MAPK8IP3: variants seen among roughly 807,000 people sequenced by gnomAD.
The protein encoded by MAPK8IP3 is C-Jun-amino-terminal kinase-interacting protein 3.
In MAPK8IP3, 49 loss-of-function variants were observed where a neutral mutation model predicts 157.8. The ratio of observed to expected loss-of-function variants is 0.31; its 90% CI spans 0.25 to 0.39. MAPK8IP3 has a LOEUF of 0.39. Ranked by LOEUF, MAPK8IP3 falls within the 10% of genes least tolerant of loss-of-function variation. MAPK8IP3 has a pLI of 1.00. For synonymous variants in MAPK8IP3, 897 were observed against 777.7 expected (o/e 1.15, Z -2.55); for missense variants, 1,478 against 1,889.4 (o/e 0.78, Z 4.04).
At chr16:1,746,946 CG>C in intron 5 of MAPK8IP3, 82 bp from the exon 6 acceptor site, 1 of 1,496,094 alleles carries the variant, frequency 6.7e-7, no homozygotes. Context: ...CATTGGTGCG[CG>C]GGGCCTCAGG....
Position 1,743,687 on chromosome 16 carries a change from C to T in MAPK8IP3, c.747+211C>T, listed in dbSNP as rs1378891477. The T allele has an allele frequency of 2.5e-5, 35 of 1,402,930 alleles. No homozygotes were observed. Among genetic ancestry groups the T allele is most frequent in the African/African-American group, 1.0e-4 (7 of 67,244 alleles). The allele number at this position is 1,402,930 out of a possible 1,614,324, so 86.9% of individuals were successfully genotyped here. A position where few individuals can be genotyped will look rare whatever the true frequency, so the allele number is the denominator to read the frequency against. On this transcript the variant is annotated intron_variant, in intron 5 of 31. Coordinates refer to ENST00000610761, the MANE Select transcript of MAPK8IP3 (RefSeq NM_001318852.2). This position sits in a 1 kb window ranked among gnomAD's most constrained non-coding sequence, Gnocchi z 5.6. ...CCTGTGTGGCTGTGGCTGTTCCACG[C>T]GGCCTCGTGTCGGCACCTGCTAGTC...
chr16:1,755,418 G>C (rs1323671687), intron 8 of MAPK8IP3, among the ~76,000 whole-genome samples: 1 of 152,198 alleles, frequency 6.6e-6, no homozygotes, highest in Non-Finnish European at 1.5e-5. Context: ...AGCTACTTGG[G>C]CGTCTGAAGT....
intron 8 of MAPK8IP3, among the ~76,000 whole-genome samples, chr16:1,757,355 C>T (rs562254008): frequency 1.8e-4 from 27 of 152,306 alleles, no homozygotes; most frequent in African/African-American, 5.8e-4. Flanking sequence ...CCGCCCGCCT[C>T]GGCCTCCTAA....
chr16:1,729,708 C>G, intron 4 of MAPK8IP3, 130 bp downstream of exon 4: 2 of 874,438 alleles, frequency 2.3e-6, no homozygotes, highest in South Asian at 3.2e-5. Flanking sequence ...AGGGAACACT[C>G]TGGAGACCCA....
rs188473180 is a variant in MAPK8IP3 at position 1,715,345 on chromosome 16, C to A, written c.318+8688C>A. The stretch of plus-strand genomic sequence containing the variant: ...CAGCTTTGTAACTCCAGAGCCACCC[C>A]CTGCACGTCCTCTCTCTGCATTTTA... On this transcript the variant is annotated intron_variant, in intron 1 of 31. Coordinates refer to ENST00000610761, the MANE Select transcript of MAPK8IP3 (RefSeq NM_001318852.2). Among the ~76,000 whole-genome samples, 5 of 152,270 alleles carry A rather than the reference C, an allele frequency of 3.3e-5. No individual in the cohort carries two copies. The East Asian group carries it at 9.7e-4, about 29-fold the overall frequency.
At chr16:1,730,521 C>G (rs1261379845) in intron 4 of MAPK8IP3, among the ~76,000 whole-genome samples, 2 of 151,822 alleles carry the variant, frequency 1.3e-5, no homozygotes, top group African/African-American at 4.8e-5. Context: ...GGGCAGATCA[C>G]GAGATCAGGA....
chr16:1,736,506 G>A (rs1290028999), intron 4 of MAPK8IP3, among the ~76,000 whole-genome samples: 1 of 61,772 alleles, frequency 1.6e-5, no homozygotes, highest in African/African-American at 9.3e-5. Context: ...GTGTGAGCGT[G>A]TGACCGTCCG....
intron 3 of MAPK8IP3, 47 bp downstream of exon 3, chr16:1,729,255 C>T (rs2039123052): frequency 2.1e-5 from 33 of 1,586,138 alleles, no homozygotes; most frequent in East Asian, 4.5e-5. Context: ...GAGACAGGGC[C>T]GCGGCCTGAC....
intron 11 of MAPK8IP3, 92 bp downstream of exon 11, chr16:1,760,107 G>A: frequency 2.1e-6 from 3 of 1,401,056 alleles, no homozygotes; most frequent in South Asian, 1.2e-5. Context: ...GCCTTGGGGA[G>A]CACCTGGCTC....
At chr16:1,753,122 G>A (rs946930860) in intron 8 of MAPK8IP3, among the ~76,000 whole-genome samples, 3 of 152,284 alleles carry the variant, frequency 2.0e-5, no homozygotes, top group East Asian at 1.9e-4. Context: ...GGTGGAGAGC[G>A]ACATCCCTCC....
At chr16:1,760,074 G>A (rs933222459) in intron 11 of MAPK8IP3, 59 bp downstream of exon 11, 3 of 1,591,700 alleles carry the variant, frequency 1.9e-6, no homozygotes, top group Non-Finnish European at 2.6e-6. Flanking sequence ...TCAGGGCTGG[G>A]AGAGTGAGCC....
At chr16:1,708,556 G>A (rs545632620) in intron 1 of MAPK8IP3, among the ~76,000 whole-genome samples, 1 of 152,370 alleles carries the variant, frequency 6.6e-6, no homozygotes, top group African/African-American at 2.4e-5. Context: ...GCACAGGATA[G>A]GCGCTGCCCA....
rs377112419 is a variant in MAPK8IP3 at position 1,729,231 on chromosome 16, G to A, written c.510+23G>A. On this transcript the variant is annotated intron_variant, in intron 3 of 31. Transcript: ENST00000610761. ...GAGGTGGGCGCCCAGAGGCAAGCGC[G>A]GAGACGAGGGTTGGAGACAGGGCCG... 14 of 1,613,114 alleles carry A rather than the reference G, an allele frequency of 8.7e-6. No homozygotes were observed. In the African/African-American group the frequency reaches 1.2e-4, roughly 14 times the overall value.
At chr16:1,737,878 C>G (rs1418037867) in intron 4 of MAPK8IP3, among the ~76,000 whole-genome samples, 1 of 68,404 alleles carries the variant, frequency 1.5e-5, no homozygotes, top group Non-Finnish European at 2.7e-5. Context: ...GTGTGACCGT[C>G]CGTGTGAGCA....
chr16:1,719,025 G>A (rs188022565), intron 1 of MAPK8IP3, among the ~76,000 whole-genome samples: 2 of 152,174 alleles, frequency 1.3e-5, no homozygotes, highest in East Asian at 3.9e-4. Context: ...GTGAGCCTTG[G>A]TCATGCTGCT....
At position 1,710,514 on chromosome 16, in the gene MAPK8IP3, C is replaced by A. The variant is rs1043811728; in HGVS notation, c.318+3857C>A. On this transcript the variant is annotated intron_variant, in intron 1 of 31. Coordinates refer to ENST00000610761, the MANE Select transcript of MAPK8IP3 (RefSeq NM_001318852.2). This position sits in a 1 kb window ranked among gnomAD's most constrained non-coding sequence, Gnocchi z 4.1. ...ATAAAAATAAATAAATAAATGTCAT[C>A]CATTTCATAGACTATTTGGGTAGGA... 1.3e-5 allele frequency among the ~76,000 whole-genome samples: 2 copies of A among 152,036 alleles called. No individual in the cohort carries two copies. The highest frequency in any genetic ancestry group is 4.8e-5 in the African/African-American group (2 of 41,402).
chr16:1,739,018 G>T (rs2040368862), intron 4 of MAPK8IP3, among the ~76,000 whole-genome samples: 1 of 140,384 alleles, frequency 7.1e-6, no homozygotes, highest in African/African-American at 2.7e-5. Context: ...ATCCATGTGA[G>T]CATCTGTGTG....
chr16:1,754,552 T>C (rs577340356), intron 8 of MAPK8IP3, among the ~76,000 whole-genome samples: 2 of 152,138 alleles, frequency 1.3e-5, no homozygotes, highest in Admixed American at 1.3e-4. Context: ...GGTGGGCGGA[T>C]CACAAGGTCA....
chr16:1,712,586 CATG>C (rs888233333), intron 1 of MAPK8IP3, among the ~76,000 whole-genome samples: 1 of 152,266 alleles, frequency 6.6e-6, no homozygotes, highest in Middle Eastern at 3.4e-3. Flanking sequence ...GTGGTGATAA[CATG>C]AGGGGATCTG....
Sources: gnomAD v4.1 joint callset for allele counts (sites outside exome capture counted in the v4.1 genomes callset) on GRCh38, gnomAD v4.1.1 for gene constraint, Gnocchi (gnomAD v3.1) non-coding constraint, MANE v1.5 for transcripts, NCBI Gene and HGNC (gene_info 2026-07-23, HGNC 2026-07-21) for gene names.